Variants in RAPGEF2 observed in about 807,000 individuals in gnomAD.
RAPGEF2 encodes Rap guanine nucleotide exchange factor 2.
RAPGEF2 carries 54 observed loss-of-function variants against 186.7 expected under a neutral mutation model. That is an observed-to-expected ratio of 0.29 (90% confidence interval 0.23 to 0.36). RAPGEF2 has a LOEUF of 0.36. Among genes scored for constraint, RAPGEF2 ranks in the 10% least tolerant of loss-of-function variants. RAPGEF2 has a pLI of 1.00. For missense variants in RAPGEF2, 1,532 were observed against 2,045.0 expected (o/e 0.75, Z 4.84); for synonymous variants, 712 against 705.9 (o/e 1.01, Z -0.14).
At chr4:159,240,174 TA>T (rs1753789641) in intron 5 of RAPGEF2, among the ~76,000 whole-genome samples, 1 of 152,104 alleles carries the variant, frequency 6.6e-6, no homozygotes, top group Non-Finnish European at 1.5e-5. Flanking sequence ...TTTTAGTCTT[TA>T]AAACTGAGTA....
intron 29 of RAPGEF2, among the ~76,000 whole-genome samples, 172 bp downstream of exon 29, chr4:159,356,330 T>G (rs28503193): frequency 9.7e-4 from 148 of 152,138 alleles, no homozygotes; most frequent in African/African-American, 3.2e-3. Context: ...TTGACTGCTT[T>G]CTTTTGTGTG....
intron 9 of RAPGEF2, 100 bp from the exon 10 acceptor site, chr4:159,322,247 T>C (rs1001813597): frequency 9.2e-7 from 1 of 1,091,690 alleles, no homozygotes. Flanking sequence ...TAAGCAAAAT[T>C]GTAGGGCATT....
At chr4:159,111,435 C>A (rs1329237349) in intron 1 of RAPGEF2, among the ~76,000 whole-genome samples, 1 of 152,216 alleles carries the variant, frequency 6.6e-6, no homozygotes, top group East Asian at 1.9e-4. Context: ...CATTTCGCTG[C>A]CATTTGCAGT....
intron 1 of RAPGEF2, among the ~76,000 whole-genome samples, chr4:159,107,410 G>T (rs1014172997): frequency 7.2e-5 from 11 of 152,072 alleles, no homozygotes; most frequent in African/African-American, 2.4e-4. Context: ...TTAACTTGTT[G>T]AGTTCAGGCC....
chr4:159,280,497 T>C lies in RAPGEF2; in HGVS notation c.544-23845T>C, dbSNP rs947129629. Among the ~76,000 whole-genome samples, 26 of 152,284 alleles carry C rather than the reference T, an allele frequency of 1.7e-4. 1 individual carries two copies. Among genetic ancestry groups the C allele is most frequent in the African/African-American group, 5.5e-4 (23 of 41,558 alleles). On this transcript the variant is annotated intron_variant, in intron 7 of 29. Transcript: ENST00000691494. ...GTATGTCTGATCATGATGGCTGTGG[T>C]GTTAGAGTAGGTAGGACAAGAGCAC...
chr4:159,211,705 A>G lies in RAPGEF2; in HGVS notation c.281+1122A>G, dbSNP rs373068201. On this transcript the variant is annotated intron_variant, in intron 4 of 29. Coordinates refer to ENST00000691494, the MANE Select transcript of RAPGEF2 (RefSeq NM_001394067.2). Reference sequence around the variant, plus strand: ...TTGGTGGCCAGAATGCTAGTGAAGGAGTGCCAGAGGCACGTTGCATTTAAT... The same window carrying G: ...TTGGTGGCCAGAATGCTAGTGAAGGGGTGCCAGAGGCACGTTGCATTTAAT... Among the ~76,000 whole-genome samples the G allele has an allele frequency of 7.2e-5, 11 of 152,356 alleles. 1 individual carries two copies. In the East Asian group the frequency reaches 2.1e-3, roughly 29 times the overall value.
intron 1 of RAPGEF2, among the ~76,000 whole-genome samples, chr4:159,135,702 C>A (rs139120075): frequency 1.3e-5 from 2 of 152,020 alleles, no homozygotes; most frequent in Non-Finnish European, 2.9e-5. Context: ...CGGGTTCAAG[C>A]GATTTTCCAG....
intron 8 of RAPGEF2, among the ~76,000 whole-genome samples, chr4:159,312,196 A>G (rs1764027235): frequency 6.6e-6 from 1 of 152,178 alleles, no homozygotes; most frequent in African/African-American, 2.4e-5. Context: ...AGCTATATAA[A>G]TTATTGAAAA....
chr4:159,211,953 G>C (rs1055534484), intron 4 of RAPGEF2, among the ~76,000 whole-genome samples: 3 of 152,054 alleles, frequency 2.0e-5, no homozygotes, highest in Admixed American at 2.0e-4. Context: ...AAAAATAATA[G>C]TAATAAAAGA....
intron 4 of RAPGEF2, among the ~76,000 whole-genome samples, chr4:159,224,576 A>G (rs919681792): frequency 2.6e-5 from 4 of 152,174 alleles, no homozygotes; most frequent in Admixed American, 2.6e-4. Context: ...CCCACGCCCT[A>G]GAGATTTTGG....
At chr4:159,300,234 TAATCTGATTTA>T (rs1470790184) in intron 7 of RAPGEF2, among the ~76,000 whole-genome samples, 9 of 151,660 alleles carry the variant, frequency 5.9e-5, no homozygotes, top group Admixed American at 5.9e-4. Context: ...ATAATTAATA[TAATCTGATTTA>T]AGTCTGATTT....
At chr4:159,346,062 A>G (rs192821096) in intron 24 of RAPGEF2, among the ~76,000 whole-genome samples, 5 of 152,288 alleles carry the variant, frequency 3.3e-5, no homozygotes, top group Admixed American at 1.3e-4. Context: ...CTGGAGTCAG[A>G]GTGGTCTGAG....
At position 159,355,869 on chromosome 4, in the gene RAPGEF2, G is replaced by A. The variant is rs1421770072; in HGVS notation, c.4668G>A (p.Arg1556=). ...CTACTCTAGCACGAAAGGAGGGCAG[G>A]TATCGAGAGCCCCCGCCCACCCCTC... ...TKGLIARKEG[R]YREPPPTPPG... The change falls in exon 29 of 30, where the codon AGG becomes AGA. Residue 1556 remains arginine (R), a synonymous_variant. Transcript: ENST00000691494. 2.6e-6 allele frequency: 4 copies of A among 1,548,556 alleles called. No individual in the cohort carries two copies. Among genetic ancestry groups the A allele is most frequent in the East Asian group, 2.4e-5 (1 of 40,864 alleles).
chr4:159,338,869 GC>G, intron 18 of RAPGEF2, among the ~76,000 whole-genome samples: 1 of 152,280 alleles, frequency 6.6e-6, no homozygotes, highest in Admixed American at 6.5e-5. Context: ...AGTCTTGAGT[GC>G]TACTGTTGTG....
chr4:159,146,589 A>T (rs73860449), intron 1 of RAPGEF2, among the ~76,000 whole-genome samples: 3,602 of 152,306 alleles, frequency 0.024, 145 homozygotes, highest in African/African-American at 0.08. Context: ...CATGTTACAG[A>T]TGAGGAAACT....
At chr4:159,141,835 T>C (rs1742371830) in intron 1 of RAPGEF2, among the ~76,000 whole-genome samples, 1 of 152,216 alleles carries the variant, frequency 6.6e-6, no homozygotes, top group South Asian at 2.1e-4. Flanking sequence ...TTATTAAAGA[T>C]AATTTTAACC....
chr4:159,105,891 G>A (rs537772947), intron 1 of RAPGEF2, among the ~76,000 whole-genome samples: 12 of 152,304 alleles, frequency 7.9e-5, no homozygotes, highest in South Asian at 2.1e-4. Context: ...AGAGGCCTTT[G>A]GTGGAAATTA....
intron 7 of RAPGEF2, among the ~76,000 whole-genome samples, chr4:159,297,427 TA>T (rs767336576): frequency 1.3e-5 from 2 of 152,208 alleles, no homozygotes; most frequent in Non-Finnish European, 2.9e-5. Flanking sequence ...GCAATACACA[TA>T]AATGCACAAA....
rs1248688281 is a variant in RAPGEF2 at position 159,339,312 on chromosome 4, A to G, written c.2492A>G (p.Asp831Gly). 6.2e-7 allele frequency: 1 copy of G among 1,614,124 alleles called. No homozygotes were observed. The highest frequency in any genetic ancestry group is 8.5e-7 in the Non-Finnish European group (1 of 1,180,002). Reference protein sequence around the residue: ...EGVIKQRRLPDQLSKLADRIQ... With the variant: ...EGVIKQRRLPGQLSKLADRIQ... ...GTAATCAAACAAAGAAGACTTCCAGATCAGCTTTCCAAACTTGCAGACAGA... is the reference window on the plus strand; with the variant it reads ...GTAATCAAACAAAGAAGACTTCCAGGTCAGCTTTCCAAACTTGCAGACAGA... The change falls in exon 19 of 30, where the codon GAT (aspartate) becomes GGT (glycine). Residue 831 changes from aspartate to glycine, a missense_variant. Physicochemically the swap from Asp to Gly is moderately conservative, Grantham distance 94 (BLOSUM62 -1). This residue lies in a region of RAPGEF2 where 810 missense variants were observed against 1,210.5 expected (regional missense o/e 0.67). Coordinates refer to ENST00000691494, the MANE Select transcript of RAPGEF2 (RefSeq NM_001394067.2).
Sources: gnomAD v4.1 joint callset for allele counts (sites outside exome capture counted in the v4.1 genomes callset) on GRCh38, gnomAD v4.1.1 for gene constraint, gnomAD v4.1.1 regional missense constraint, MANE v1.5 for transcripts, NCBI Gene and HGNC (gene_info 2026-07-23, HGNC 2026-07-21) for gene names.